Variants in NLGN1 observed in about 807,000 individuals in gnomAD.
NLGN1 encodes neuroligin 1, also known as neuroligin-1.
In NLGN1, 12 loss-of-function variants were observed where a neutral mutation model predicts 65.5. That is an observed-to-expected ratio of 0.18 (90% CI 0.12 to 0.30). NLGN1 has a LOEUF of 0.30. NLGN1 is among the 10% of genes least tolerant of loss of function. The probability of loss-of-function intolerance (pLI) is 1.00; values close to 1 mark genes in which losing one functional copy is unlikely to be tolerated. For synonymous variants in NLGN1, 350 were observed against 359.5 expected (o/e 0.97, Z 0.30); for missense variants, 750 against 1,007.1 (o/e 0.74, Z 3.46).
At chr3:174,121,458 A>C (rs1006320138) in intron 4 of NLGN1, among the ~76,000 whole-genome samples, 6 of 151,858 alleles carry the variant, frequency 4.0e-5, no homozygotes, top group Non-Finnish European at 7.3e-5. Context: ...CACTGGGTCC[A>C]CATTTGTATT....
chr3:173,942,144 G>A lies in NLGN1; in HGVS notation c.646+134312G>A, dbSNP rs969859382. On this transcript the variant is annotated intron_variant, in intron 4 of 6. Coordinates refer to ENST00000457714, the Ensembl canonical transcript of NLGN1. ...TGTGTGTGTGTGTGTGTGTGTGTAT[G>A]TGTGTGTGTGTGTATGTGTATATAT... is the stretch of plus-strand genomic sequence containing the variant. Among the ~76,000 whole-genome samples the A allele has an allele frequency of 1.1e-4, 15 of 133,522 alleles. No homozygotes were observed. The East Asian group carries it at 1.7e-3, about 15-fold the overall frequency. 87.6% of individuals were successfully genotyped at this position (133,522 alleles called of 152,430 possible).
intron 3 of NLGN1, among the ~76,000 whole-genome samples, chr3:173,783,957 A>G (rs1453271678): frequency 6.6e-6 from 1 of 152,208 alleles, no homozygotes; most frequent in Admixed American, 6.5e-5. Context: ...TCTTAAAGGT[A>G]GAAACTTTGC....
intron 4 of NLGN1, among the ~76,000 whole-genome samples, chr3:173,842,353 C>T (rs1724954349): frequency 6.6e-6 from 1 of 152,122 alleles, no homozygotes; most frequent in South Asian, 2.1e-4. Context: ...CTCACGTCCT[C>T]CCATTTCAAA....
intron 4 of NLGN1, among the ~76,000 whole-genome samples, chr3:174,200,849 A>G (rs1486831031): frequency 6.6e-6 from 1 of 152,098 alleles, no homozygotes; most frequent in East Asian, 1.9e-4. Context: ...CAACTATTCT[A>G]ATTACATGGA....
At chr3:173,587,410 A>G (rs927672119) in intron 2 of NLGN1, among the ~76,000 whole-genome samples, 1 of 152,192 alleles carries the variant, frequency 6.6e-6, no homozygotes, top group Admixed American at 6.5e-5. Context: ...GGAAATAAGT[A>G]TATACAAAAC....
intron 3 of NLGN1, among the ~76,000 whole-genome samples, chr3:173,705,461 AGATG>A (rs760379120): frequency 6.6e-6 from 1 of 152,180 alleles, no homozygotes; most frequent in Non-Finnish European, 1.5e-5. Context: ...TCTGGGTAAT[AGATG>A]TTAGACAGGT....
At chr3:173,545,981 AATACCTAATGTAGATG>A (rs1739749842) in intron 2 of NLGN1, among the ~76,000 whole-genome samples, 1 of 152,096 alleles carries the variant, frequency 6.6e-6, no homozygotes, top group Non-Finnish European at 1.5e-5. Context: ...CATTAGGAGA[AATACCTAATGTAGATG>A]ATGGGTTGAT....
At chr3:173,988,511 T>G (rs546770244) in intron 4 of NLGN1, among the ~76,000 whole-genome samples, 4 of 152,172 alleles carry the variant, frequency 2.6e-5, no homozygotes, top group Admixed American at 6.6e-5. Flanking sequence ...TGAAGGAAGA[T>G]AGCAGGTTGC....
intron 4 of NLGN1, among the ~76,000 whole-genome samples, chr3:174,116,368 C>G (rs1411475131): frequency 8.3e-6 from 1 of 119,776 alleles, no homozygotes; most frequent in African/African-American, 3.1e-5. Context: ...GAGACAGTCT[C>G]GCTCTATAGC....
rs1304624690 is a variant in NLGN1, at chr3:173,905,354, GCT to G, written c.646+97523_646+97524del. On this transcript the variant is annotated intron_variant, in intron 4 of 6. Coordinates refer to ENST00000457714, the Ensembl canonical transcript of NLGN1. ...GAGGAGAGCCAAAGGGTCCATATTA[GCT>G]TCCAACCCCAATTTGTACTGTCCAC... is the stretch of plus-strand genomic sequence containing the variant. Among the ~76,000 whole-genome samples, 5 of 152,296 alleles carry G rather than the reference GCT, an allele frequency of 3.3e-5. No homozygotes were observed. In the East Asian group the frequency reaches 9.7e-4, roughly 29 times the overall value.
rs569540770 is a variant in NLGN1 at position 173,681,589 on chromosome 3, T to C, written c.493+76498T>C. 2.5e-4 allele frequency among the ~76,000 whole-genome samples: 38 copies of C among 152,288 alleles called. 2 individuals are homozygous for C. The highest frequency in any genetic ancestry group is 8.4e-4 in the African/African-American group (35 of 41,550). ...CCCTCAGGGAGAAATCTGCACATCTTCCTGGTACTGTTTTTATGGGGAACT... is the reference window on the plus strand; with the variant it reads ...CCCTCAGGGAGAAATCTGCACATCTCCCTGGTACTGTTTTTATGGGGAACT... On this transcript the variant is annotated intron_variant, in intron 3 of 6. Coordinates refer to ENST00000457714, the Ensembl canonical transcript of NLGN1.
chr3:174,128,398 G>A (rs776640974), intron 4 of NLGN1, among the ~76,000 whole-genome samples: 3 of 152,046 alleles, frequency 2.0e-5, no homozygotes, highest in Non-Finnish European at 2.9e-5. Context: ...GATAATATGT[G>A]GGATAGATAA....
chr3:173,622,278 G>A (rs532611857), intron 3 of NLGN1, among the ~76,000 whole-genome samples: 2 of 152,154 alleles, frequency 1.3e-5, no homozygotes, highest in Admixed American at 6.6e-5. Flanking sequence ...ATCTAGTGCT[G>A]TGTTTATCTG....
At chr3:173,708,127 A>G (rs954124354) in intron 3 of NLGN1, among the ~76,000 whole-genome samples, 6 of 152,222 alleles carry the variant, frequency 3.9e-5, no homozygotes, top group African/African-American at 1.4e-4. Flanking sequence ...CTAATCATAT[A>G]TAGTCCTGCC....
rs373940668 is a variant in NLGN1 at position 174,266,432 on chromosome 3, C to T, written c.647-8883C>T. 2.9e-4 allele frequency among the ~76,000 whole-genome samples: 44 copies of T among 152,162 alleles called. 1 individual carries two copies. In the South Asian group the frequency reaches 6.4e-3, roughly 22 times the overall value. ...CATATATTTCCACAGTGCATATGTA[C>T]GACATTTTCTTTATCCAATCCACCA... On this transcript the variant is annotated intron_variant, in intron 4 of 6. Transcript: ENST00000457714.
At chr3:173,609,202 C>T (rs1281544186) in intron 3 of NLGN1, among the ~76,000 whole-genome samples, 2 of 151,896 alleles carry the variant, frequency 1.3e-5, no homozygotes, top group Non-Finnish European at 2.9e-5. Flanking sequence ...TGTGTTTCTC[C>T]AGCACTTTTA....
At chr3:174,214,308 G>C (rs1737213719) in intron 4 of NLGN1, among the ~76,000 whole-genome samples, 1 of 152,008 alleles carries the variant, frequency 6.6e-6, no homozygotes, top group African/African-American at 2.4e-5. Flanking sequence ...TCTGAATTAT[G>C]CAGTCATTTT....
intron 2 of NLGN1, among the ~76,000 whole-genome samples, chr3:173,545,907 A>G (rs1486940071): frequency 2.6e-5 from 4 of 151,974 alleles, no homozygotes; most frequent in Non-Finnish European, 5.9e-5. Context: ...GAACACATGG[A>G]CACAGGGAGG....
At chr3:174,101,290 A>G (rs1337378329) in intron 4 of NLGN1, among the ~76,000 whole-genome samples, 1 of 152,188 alleles carries the variant, frequency 6.6e-6, no homozygotes, top group African/African-American at 2.4e-5. Context: ...AAATCAAACT[A>G]TAAGCAGTTT....
Sources: gnomAD v4.1 joint callset for allele counts (sites outside exome capture counted in the v4.1 genomes callset) on GRCh38, gnomAD v4.1.1 for gene constraint, MANE v1.5 for transcripts, NCBI Gene and HGNC (gene_info 2026-07-23, HGNC 2026-07-21) for gene names.